Variants in LRRC43 observed in about 807,000 individuals in gnomAD.
LRRC43 encodes the protein leucine-rich repeat-containing protein 43.
A neutral mutation model predicts 64.3 loss-of-function variants in LRRC43; 62 were observed. That is an observed-to-expected ratio of 0.96 (90% confidence interval 0.79 to 1.19). The LOEUF (loss-of-function observed/expected upper bound fraction) is 1.19, where lower values mean the gene tolerates loss of function less well. LRRC43 is among the 50% of genes most tolerant of loss of function. The pLI is 0.00. For missense variants in LRRC43, 868 were observed against 845.0 expected (o/e 1.03, Z -0.34); for synonymous variants, 422 against 382.3 (o/e 1.10, Z -1.21).
rs781739519 is a variant in LRRC43 at position 122,190,267 on chromosome 12, G to A, written c.800G>A (p.Arg267His). ...GNPLALVPYY[R>H]GLTIDSLAQL... ...CCACTGGCCTTGGTGCCCTACTACCGCGGCCTCACCATCGACAGCCTGGCC... is the reference window on the plus strand; with the variant it reads ...CCACTGGCCTTGGTGCCCTACTACCACGGCCTCACCATCGACAGCCTGGCC... Residue 267 changes from arginine (R) to histidine (H), a missense_variant, in exon 5 of 12, where the codon CGC becomes CAC. Arg to His is a conservative substitution (Grantham distance 29, BLOSUM62 0). Coordinates refer to ENST00000339777, the MANE Select transcript of LRRC43 (RefSeq NM_001098519.2). 16 of 1,614,018 alleles carry A rather than the reference G, an allele frequency of 9.9e-6. No homozygotes were observed. Among genetic ancestry groups the A allele is most frequent in the South Asian group, 5.5e-5 (5 of 91,084 alleles).
intron 7 of LRRC43, 55 bp downstream of exon 7, chr12:122,193,059 C>G: frequency 1.3e-6 from 2 of 1,567,028 alleles, no homozygotes; most frequent in Non-Finnish European, 1.7e-6. Context: ...GGTCACGAGC[C>G]TAGACCACAC....
intron 1 of LRRC43, among the ~76,000 whole-genome samples, chr12:122,173,624 C>T (rs1156344467): frequency 6.6e-6 from 1 of 151,090 alleles, no homozygotes; most frequent in East Asian, 1.9e-4. Context: ...GCAGAGGTTG[C>T]AGTGAGCCAA....
At chr12:122,199,147 T>C (rs771594580) in intron 7 of LRRC43, among the ~76,000 whole-genome samples, 1 of 151,868 alleles carries the variant, frequency 6.6e-6, no homozygotes, top group Non-Finnish European at 1.5e-5. Context: ...TGTGATCCAA[T>C]TGGTAGAACA....
chr12:122,188,412 T>A (rs1232690082), intron 4 of LRRC43, among the ~76,000 whole-genome samples: 1 of 150,220 alleles, frequency 6.7e-6, no homozygotes, highest in Non-Finnish European at 1.5e-5. Context: ...CGGCCTAATT[T>A]TTTTATTTTA....
At chr12:122,182,850 TCTC>T (rs1174003555), upstream of LRRC43, among the ~76,000 whole-genome samples, 3 of 152,146 alleles carry the variant, frequency 2.0e-5, no homozygotes, top group Admixed American at 6.5e-5. Context: ...TGGGCCCTCT[TCTC>T]CTTTCTCCAT....
At position 122,201,894 on chromosome 12, in the gene LRRC43, C is replaced by T. The variant is rs375342443; in HGVS notation, c.1843+565C>T. The T allele has an allele frequency of 8.5e-5, 13 of 153,232 alleles. No individual in the cohort carries two copies. The South Asian group carries it at 1.2e-3, about 14-fold the overall frequency. The allele number at this position is 153,232 out of a possible 1,614,324, so 9.5% of individuals were successfully genotyped here. The stretch of plus-strand genomic sequence containing the variant: ...CACGCCTGTAATCCCAGCACTTTGG[C>T]GTGCGGATCACCTGAGGTGAGGAGT... On this transcript the variant is annotated intron_variant, in intron 11 of 11. Coordinates refer to ENST00000339777, the MANE Select transcript of LRRC43 (RefSeq NM_001098519.2).
chr12:122,181,432 A>C (rs1221401432), upstream of LRRC43, among the ~76,000 whole-genome samples: 1 of 150,490 alleles, frequency 6.6e-6, no homozygotes, highest in Non-Finnish European at 1.5e-5. Flanking sequence ...AGTCCCAGCT[A>C]CTCAGGAGGC....
intron 1 of LRRC43, among the ~76,000 whole-genome samples, chr12:122,175,356 G>A (rs1216339239): frequency 6.6e-6 from 1 of 151,782 alleles, no homozygotes; most frequent in African/African-American, 2.4e-5. Context: ...TTTTAGTAGA[G>A]ACGGGGTTCA....
chr12:122,191,084 AC>A (rs1953712804), intron 5 of LRRC43, among the ~76,000 whole-genome samples: 1 of 152,190 alleles, frequency 6.6e-6, no homozygotes, highest in Non-Finnish European at 1.5e-5. Context: ...CGCAAGGTGC[AC>A]CGGAGGCTTC....
At chr12:122,174,239 T>TG in intron 1 of LRRC43, 1 of 1,592,444 alleles carries the variant, frequency 6.3e-7, no homozygotes, top group African/African-American at 1.3e-5. Flanking sequence ...CATGGCTGCC[T>TG]GGAGGTATAT....
At chr12:122,198,730 A>AC (rs1566012805) in intron 7 of LRRC43, among the ~76,000 whole-genome samples, 5 of 147,322 alleles carry the variant, frequency 3.4e-5, no homozygotes, top group Admixed American at 6.8e-5. Flanking sequence ...CCCAGGTTCA[A>AC]GTGATTCTCC....
chr12:122,175,764 T>A (rs1355188468), intron 1 of LRRC43, among the ~76,000 whole-genome samples: 1 of 151,972 alleles, frequency 6.6e-6, no homozygotes, highest in Admixed American at 6.6e-5. Flanking sequence ...CCTCCTGGGT[T>A]CAAGCGATTC....
intron 1 of LRRC43, among the ~76,000 whole-genome samples, chr12:122,169,487 A>G (rs1015643693): frequency 1.1e-4 from 16 of 152,080 alleles, no homozygotes; most frequent in African/African-American, 3.9e-4. Context: ...AGGCCGAGAC[A>G]GGTGGATCAC....
rs766964414 is a variant in LRRC43 at position 122,191,507 on chromosome 12, C to G, written c.1029C>G (p.Thr343=). ...GPFITYNYYV[T]YDFVKDEEGE... is the part of the protein sequence containing the mutation. The stretch of plus-strand genomic sequence containing the variant: ...TCATCACTTACAACTATTACGTGAC[C>G]TATGATTTTGTGAAAGATGAAGAAG... The change falls in exon 6 of 12, where the codon ACC becomes ACG. Residue 343 remains threonine, a synonymous_variant. Transcript: ENST00000339777. 1 of 1,614,090 alleles carries G rather than the reference C, an allele frequency of 6.2e-7. No homozygotes were observed. The highest frequency in any genetic ancestry group is 1.7e-5 in the Admixed American group (1 of 59,994).
upstream of LRRC43, among the ~76,000 whole-genome samples, chr12:122,178,582 CTTTTTTTTTTTTTTT>C (rs57204293): frequency 6.6e-5 from 4 of 60,732 alleles, no homozygotes; most frequent in Non-Finnish European, 1.1e-4. Flanking sequence ...AGGTGGCTTT[CTTTTTTTTTTTTTTT>C]TTTTTTTTTT....
intron 7 of LRRC43, among the ~76,000 whole-genome samples, chr12:122,194,852 C>A (rs1385759019): frequency 6.6e-6 from 1 of 152,158 alleles, no homozygotes; most frequent in Non-Finnish European, 1.5e-5. Context: ...TATTACATTT[C>A]TACATGTTAT....
At position 122,187,749 on chromosome 12, in the gene LRRC43, G is replaced by T; in HGVS notation, c.571G>T (p.Ala191Ser). ...GATCAGCAGCATGGAGTGTCTGTGT[G>T]CCCACCCACCCGCCGGCCTGCAGCA... ...NEISSMECLC[A>S]HPPAGLQHLG... The change falls in exon 4 of 12, where the codon GCC becomes TCC. Residue 191 changes from alanine to serine, a missense_variant. By Grantham distance (99) the Ala-to-Ser change is moderately conservative. Coordinates refer to ENST00000339777, the MANE Select transcript of LRRC43 (RefSeq NM_001098519.2). 6 of 1,614,022 alleles carry T rather than the reference G, an allele frequency of 3.7e-6. No individual in the cohort carries two copies. The highest frequency in any genetic ancestry group is 5.1e-6 in the Non-Finnish European group (6 of 1,180,018).
intron 11 of LRRC43, among the ~76,000 whole-genome samples, chr12:122,201,767 GA>G (rs1250323628): frequency 1.3e-5 from 2 of 152,220 alleles, no homozygotes; most frequent in East Asian, 3.8e-4. Context: ...AGGAGACAGG[GA>G]GTGCCGTGGG....
chr12:122,194,071 T>C (rs1953750246), intron 7 of LRRC43, among the ~76,000 whole-genome samples: 1 of 152,182 alleles, frequency 6.6e-6, no homozygotes, highest in African/African-American at 2.4e-5. Flanking sequence ...ACTTTTGTTA[T>C]GAAGATTGTA....
Sources: allele counts gnomAD v4.1 joint callset (sites outside exome capture counted in the v4.1 genomes callset), GRCh38; gene constraint gnomAD v4.1.1; transcripts MANE v1.5; gene names NCBI Gene and HGNC (gene_info 2026-07-23, HGNC 2026-07-21).